Variants in TTC29 observed in about 807,000 individuals in gnomAD.
The protein encoded by TTC29 is tetratricopeptide repeat protein 29.
A neutral mutation model predicts 58.1 loss-of-function variants in TTC29; 49 were observed. That is an observed-to-expected ratio of 0.84 (90% CI 0.67 to 1.07). The LOEUF is 1.07. TTC29 is among the 50% of genes least tolerant of loss of function. The probability of loss-of-function intolerance (pLI) is 0.00; values close to 1 mark genes in which losing one functional copy is unlikely to be tolerated. For synonymous variants in TTC29, 209 were observed against 196.8 expected, an observed-to-expected ratio of 1.06 and a Z score of -0.52; for missense variants, 582 against 555.6, an observed-to-expected ratio of 1.05 and a Z score of -0.48.
intron 6 of TTC29, among the ~76,000 whole-genome samples, chr4:146,896,038 G>T (rs11736339): frequency 6.6e-6 from 1 of 152,032 alleles, no homozygotes; most frequent in African/African-American, 2.4e-5. Context: ...ATACTGTGTA[G>T]CTTCTACTGC....
chr4:146,944,921 T>C (rs1736786988), intron 2 of TTC29, 110 bp downstream of exon 2: 1 of 152,190 alleles, frequency 6.6e-6, no homozygotes, highest in Admixed American at 6.5e-5. Context: ...ATAGGTTGTT[T>C]AGTAAAATAA....
intron 8 of TTC29, among the ~76,000 whole-genome samples, chr4:146,856,376 A>ATTT (rs1729856378): frequency 6.6e-6 from 1 of 152,080 alleles, no homozygotes; most frequent in South Asian, 2.1e-4. Context: ...AGGGAAACTA[A>ATTT]AACCAGCTTT....
intron 8 of TTC29, among the ~76,000 whole-genome samples, chr4:146,856,292 G>A (rs897644858): frequency 6.6e-6 from 1 of 152,046 alleles, no homozygotes. Context: ...AAGAGCTACT[G>A]TAGCAGTACT....
chr4:146,872,120 G>A (rs1490659189), intron 7 of TTC29, among the ~76,000 whole-genome samples: 1 of 152,042 alleles, frequency 6.6e-6, no homozygotes, highest in African/African-American at 2.4e-5. Context: ...ATGATTTTAT[G>A]TAGGGTATCA....
intron 6 of TTC29, among the ~76,000 whole-genome samples, chr4:146,896,345 T>C (rs1333429896): frequency 1.3e-5 from 2 of 152,194 alleles, no homozygotes; most frequent in African/African-American, 4.8e-5. Context: ...CCTCAAACTT[T>C]GTAGACTCTA....
intron 4 of TTC29, among the ~76,000 whole-genome samples, chr4:146,935,187 A>C (rs1735688083): frequency 6.6e-6 from 1 of 152,048 alleles, no homozygotes; most frequent in Admixed American, 6.6e-5. Flanking sequence ...TGCTTAGATG[A>C]CAGTAGGAAC....
At chr4:146,862,251 T>TTA (rs113005790) in intron 8 of TTC29, among the ~76,000 whole-genome samples, 7,134 of 147,052 alleles carry the variant, frequency 0.049, 223 homozygotes, top group Non-Finnish European at 0.067. Flanking sequence ...TATTTTATCA[T>TTA]TATATATATA....
chr4:146,943,685 A>G (rs957839353), intron 2 of TTC29, among the ~76,000 whole-genome samples: 1 of 152,238 alleles, frequency 6.6e-6, no homozygotes, highest in African/African-American at 2.4e-5. Flanking sequence ...AATGCAGCAA[A>G]TATTTAAAGG....
At chr4:146,756,083 G>A (rs1746427417) in intron 11 of TTC29, among the ~76,000 whole-genome samples, 1 of 151,996 alleles carries the variant, frequency 6.6e-6, no homozygotes, top group African/African-American at 2.4e-5. Context: ...GACCATACTG[G>A]CTAACATAAT....
chr4:146,753,334 A>C (rs1486232261), intron 11 of TTC29, among the ~76,000 whole-genome samples: 9 of 152,228 alleles, frequency 5.9e-5, no homozygotes, highest in Admixed American at 3.3e-4. Flanking sequence ...GAGAAATGCA[A>C]ATCAAAACCA....
chr4:146,903,354 C>CA (rs552326411), intron 6 of TTC29, among the ~76,000 whole-genome samples, 190 bp downstream of exon 6: 79 of 152,078 alleles, frequency 5.2e-4, no homozygotes, highest in African/African-American at 1.9e-3. Flanking sequence ...AGGGATTCTG[C>CA]AAAAAATATT....
intron 6 of TTC29, among the ~76,000 whole-genome samples, chr4:146,901,847 A>C (rs944377885): frequency 3.3e-5 from 5 of 152,170 alleles, no homozygotes; most frequent in African/African-American, 1.2e-4. Context: ...GATTGTTAAG[A>C]CCTGGTTTTC....
intron 7 of TTC29, among the ~76,000 whole-genome samples, chr4:146,872,012 G>A (rs1045912006): frequency 3.3e-5 from 5 of 151,998 alleles, no homozygotes; most frequent in African/African-American, 1.2e-4. Context: ...CACAACTAGA[G>A]TAATAAAATC....
chr4:146,847,105 A>T (rs1729224330), intron 8 of TTC29, among the ~76,000 whole-genome samples: 1 of 152,348 alleles, frequency 6.6e-6, no homozygotes, highest in Non-Finnish European at 1.5e-5. Context: ...AAGAGACAAG[A>T]TAACAATTTA....
At chr4:146,714,521 T>C (rs984421711) in intron 11 of TTC29, among the ~76,000 whole-genome samples, 2 of 151,744 alleles carry the variant, frequency 1.3e-5, no homozygotes, top group African/African-American at 4.8e-5. Context: ...TTTTCTAAAA[T>C]TGCTGAAGAC....
chr4:146,780,513 G>T (rs1287001766), intron 11 of TTC29, among the ~76,000 whole-genome samples: 1 of 151,890 alleles, frequency 6.6e-6, no homozygotes, highest in Admixed American at 6.6e-5. Context: ...TCCTGTTTGG[G>T]CAAATGAGAT....
intron 11 of TTC29, among the ~76,000 whole-genome samples, chr4:146,794,251 A>T (rs939921613): frequency 6.6e-6 from 1 of 152,150 alleles, no homozygotes; most frequent in Admixed American, 6.5e-5. Flanking sequence ...TTTTTAGGGA[A>T]TATTCCTGTG....
At chr4:146,805,648 A>G (rs1041911443) in intron 10 of TTC29, among the ~76,000 whole-genome samples, 12 of 151,964 alleles carry the variant, frequency 7.9e-5, no homozygotes, top group Non-Finnish European at 1.2e-4. Flanking sequence ...GGGATTGAAG[A>G]TCAACTTAAT....
At chr4:146,732,274 A>G (rs1320818357) in intron 11 of TTC29, among the ~76,000 whole-genome samples, 2 of 152,294 alleles carry the variant, frequency 1.3e-5, no homozygotes, top group East Asian at 3.9e-4. Flanking sequence ...CTTTAAAAAT[A>G]TATAATAATA....
Sources: gnomAD v4.1 joint callset for allele counts (sites outside exome capture counted in the v4.1 genomes callset) on GRCh38, gnomAD v4.1.1 for gene constraint, MANE v1.5 for transcripts, NCBI Gene and HGNC (gene_info 2026-07-23, HGNC 2026-07-21) for gene names.